Variants in CRISPLD2 observed in about 807,000 individuals in gnomAD.
CRISPLD2 encodes the protein cysteine rich secretory protein LCCL domain containing 2.
Under a neutral mutation model 71.1 loss-of-function variants are expected in CRISPLD2, and 47 were observed. That is an observed-to-expected ratio of 0.66 (90% CI 0.52 to 0.84). The LOEUF (loss-of-function observed/expected upper bound fraction) is 0.84, where lower values mean the gene tolerates loss of function less well. Ranked by LOEUF, CRISPLD2 falls within the 40% of genes least tolerant of loss-of-function variation. The pLI, the probability that CRISPLD2 is intolerant of heterozygous loss-of-function variation, is 0.00. For synonymous variants in CRISPLD2, 317 were observed against 250.1 expected (o/e 1.27, Z -2.52); for missense variants, 830 against 651.1 (o/e 1.27, Z -2.99).
chr16:84,873,998 C>A, intron 11 of CRISPLD2, 35 bp downstream of exon 11: 1 of 1,557,082 alleles, frequency 6.4e-7, no homozygotes, highest in South Asian at 1.2e-5. Context: ...ACCATAATAC[C>A]TGGGTTATCT....
intron 14 of CRISPLD2, among the ~76,000 whole-genome samples, chr16:84,891,929 C>T (rs1037769423): frequency 1.3e-5 from 2 of 152,228 alleles, no homozygotes; most frequent in Non-Finnish European, 2.9e-5. Flanking sequence ...CTCCCAAGCA[C>T]ACATGTCACT....
At chr16:84,885,639 C>T (rs2071606117) in intron 13 of CRISPLD2, among the ~76,000 whole-genome samples, 1 of 152,156 alleles carries the variant, frequency 6.6e-6, no homozygotes, top group South Asian at 2.1e-4. Flanking sequence ...GACATGTTAG[C>T]ACAGAGTTTT....
intron 13 of CRISPLD2, among the ~76,000 whole-genome samples, chr16:84,885,230 G>A (rs1325367622): frequency 6.6e-6 from 1 of 151,852 alleles, no homozygotes; most frequent in Non-Finnish European, 1.5e-5. Context: ...AAAGAACAAT[G>A]AGCTTAATTG....
At chr16:84,895,484 C>T (rs1448553263) in intron 14 of CRISPLD2, among the ~76,000 whole-genome samples, 1 of 152,212 alleles carries the variant, frequency 6.6e-6, no homozygotes, top group Non-Finnish European at 1.5e-5. Flanking sequence ...GCCCTGTTAA[C>T]CTCAGTTAAC....
At chr16:84,850,095 CTTT>C (rs71384841) in intron 4 of CRISPLD2, among the ~76,000 whole-genome samples, 3 of 141,684 alleles carry the variant, frequency 2.1e-5, no homozygotes. Context: ...TGTTTGCTTG[CTTT>C]TTTTTTTTTT....
At chr16:84,859,784 C>G (rs1000649959) in intron 6 of CRISPLD2, among the ~76,000 whole-genome samples, 3 of 152,206 alleles carry the variant, frequency 2.0e-5, no homozygotes, top group African/African-American at 7.2e-5. Flanking sequence ...GCTGCTTTGC[C>G]TCTGCTGTCC....
At chr16:84,905,933 C>G (rs1312568292) in intron 14 of CRISPLD2, among the ~76,000 whole-genome samples, 1 of 152,050 alleles carries the variant, frequency 6.6e-6, no homozygotes, top group Non-Finnish European at 1.5e-5. Flanking sequence ...TGGTCTCGAA[C>G]TCCTGACCTC....
intron 13 of CRISPLD2, among the ~76,000 whole-genome samples, chr16:84,888,320 G>A (rs760656874): frequency 1.3e-5 from 2 of 152,228 alleles, no homozygotes; most frequent in Non-Finnish European, 2.9e-5. Flanking sequence ...GATTGCTTGA[G>A]CCCAGGAGTT....
intron 1 of CRISPLD2, among the ~76,000 whole-genome samples, chr16:84,820,992 G>A (rs898576039): frequency 2.6e-5 from 4 of 152,234 alleles, no homozygotes; most frequent in African/African-American, 4.8e-5. Context: ...GGAGGACTTC[G>A]CTGATGCCTG....
chr16:84,905,916 G>A (rs972317964), intron 14 of CRISPLD2, among the ~76,000 whole-genome samples: 2 of 151,874 alleles, frequency 1.3e-5, no homozygotes, highest in East Asian at 3.9e-4. Context: ...CACCATGTTG[G>A]CCAGGCTGGT....
intron 1 of CRISPLD2, among the ~76,000 whole-genome samples, chr16:84,837,374 G>A (rs1464816972): frequency 2.6e-5 from 4 of 151,836 alleles, no homozygotes; most frequent in Admixed American, 2.6e-4. Flanking sequence ...CCAGGAGGCC[G>A]GCCCTGGGCT....
intron 1 of CRISPLD2, among the ~76,000 whole-genome samples, chr16:84,830,434 T>A (rs1437320692): frequency 1.3e-5 from 2 of 152,222 alleles, no homozygotes; most frequent in African/African-American, 4.8e-5. Context: ...CCGGGCATGG[T>A]GGCTCACGCC....
intron 14 of CRISPLD2, among the ~76,000 whole-genome samples, chr16:84,900,237 C>A (rs1466293971): frequency 1.3e-5 from 2 of 152,064 alleles, no homozygotes; most frequent in African/African-American, 4.8e-5. Flanking sequence ...AAGTGTGAAG[C>A]TGCCATGGAG....
At chr16:84,852,170 C>G (rs562452950) in intron 5 of CRISPLD2, among the ~76,000 whole-genome samples, 2 of 152,332 alleles carry the variant, frequency 1.3e-5, no homozygotes, top group East Asian at 3.9e-4. Context: ...CACCTGTTGA[C>G]GTCGTTTAAC....
chr16:84,843,115 C>T (rs187632750), intron 2 of CRISPLD2, among the ~76,000 whole-genome samples: 33 of 152,268 alleles, frequency 2.2e-4, no homozygotes, highest in African/African-American at 6.5e-4. Context: ...GGTGATGTTT[C>T]AGGATTGGAG....
At chr16:84,825,361 G>C (rs891258386) in intron 1 of CRISPLD2, among the ~76,000 whole-genome samples, 1 of 152,160 alleles carries the variant, frequency 6.6e-6, no homozygotes, top group South Asian at 2.1e-4. Flanking sequence ...CCAGGAGTTC[G>C]AGTCCAGCTT....
intron 13 of CRISPLD2, among the ~76,000 whole-genome samples, chr16:84,882,445 C>T (rs1318424815): frequency 6.6e-6 from 1 of 151,444 alleles, no homozygotes; most frequent in African/African-American, 2.4e-5. Context: ...AGTTTCACTC[C>T]TGTTGCCCAG....
chr16:84,846,583 G>T (rs983462260), intron 3 of CRISPLD2, among the ~76,000 whole-genome samples: 15 of 152,072 alleles, frequency 9.9e-5, no homozygotes, highest in African/African-American at 2.7e-4. Context: ...TCCATCTCCT[G>T]TGCAGGGTTC....
chr16:84,834,048 C>T (rs111239198), intron 1 of CRISPLD2, among the ~76,000 whole-genome samples: 6,624 of 152,262 alleles, frequency 0.044, 387 homozygotes, highest in Admixed American at 0.18. Context: ...ACCTGGGCCT[C>T]GAGGTTAGAA....
Sources: gnomAD v4.1 joint callset for allele counts (sites outside exome capture counted in the v4.1 genomes callset) on GRCh38, gnomAD v4.1.1 for gene constraint, MANE v1.5 for transcripts, NCBI Gene and HGNC (gene_info 2026-07-23, HGNC 2026-07-21) for gene names.